Variants in RAB18 observed in about 807,000 individuals in gnomAD.
RAB18 encodes the protein RAB18, member RAS oncogene family.
A neutral mutation model predicts 28.5 loss-of-function variants in RAB18; 10 were observed. That is an observed-to-expected ratio of 0.35 (90% CI 0.22 to 0.60). The LOEUF (loss-of-function observed/expected upper bound fraction) is 0.60. Among genes scored for constraint, RAB18 ranks in the 20% least tolerant of loss-of-function variants. The probability of loss-of-function intolerance (pLI) is 0.78; values close to 1 mark genes in which losing one functional copy is unlikely to be tolerated. For synonymous variants in RAB18, 93 were observed against 86.9 expected, an observed-to-expected ratio of 1.07 and a Z score of -0.39; for missense variants, 188 against 244.2, an observed-to-expected ratio of 0.77 and a Z score of 1.53.
At chr10:27,528,544 GTCC>G (rs1834726076) in intron 3 of RAB18, among the ~76,000 whole-genome samples, 2 of 151,992 alleles carry the variant, frequency 1.3e-5, no homozygotes, top group East Asian at 3.8e-4. Flanking sequence ...AAACCTGTTT[GTCC>G]TCCTTTCCTA....
At chr10:27,533,619 A>AT (rs1339814329) in intron 4 of RAB18, 116 bp from the exon 5 acceptor site, 10 of 1,249,688 alleles carry the variant, frequency 8.0e-6, no homozygotes, top group Admixed American at 4.6e-5. Flanking sequence ...GTTGAAGACA[A>AT]TAAAAAAAAG....
intron 3 of RAB18, among the ~76,000 whole-genome samples, chr10:27,527,271 T>A (rs1013031742): frequency 5.3e-5 from 8 of 151,932 alleles, no homozygotes; most frequent in Non-Finnish European, 1.0e-4. Flanking sequence ...TAGGAAAAAA[T>A]TTTATTTTTC....
intron 6 of RAB18, among the ~76,000 whole-genome samples, chr10:27,534,883 C>T (rs1438317365): frequency 6.6e-6 from 1 of 152,182 alleles, no homozygotes. Context: ...AGAAAGGAAT[C>T]GAGTACTTTT....
chr10:27,518,331 G>A (rs1156767159), intron 2 of RAB18, among the ~76,000 whole-genome samples: 1 of 152,132 alleles, frequency 6.6e-6, no homozygotes, highest in African/African-American at 2.4e-5. Context: ...TTATAAAGTG[G>A]TTGTATCATT....
At chr10:27,509,003 A>G (rs573809945) in intron 1 of RAB18, among the ~76,000 whole-genome samples, 10 of 152,328 alleles carry the variant, frequency 6.6e-5, no homozygotes, top group African/African-American at 2.4e-4. Flanking sequence ...ATTTTTGAAG[A>G]GTTTCTAATA....
At chr10:27,506,650 G>A (rs1223310800) in intron 1 of RAB18, among the ~76,000 whole-genome samples, 2 of 151,938 alleles carry the variant, frequency 1.3e-5, no homozygotes. Context: ...TCATAGATGG[G>A]ATTTTCCTAT....
chr10:27,536,060 CG>C (rs1295222934), intron 6 of RAB18, among the ~76,000 whole-genome samples: 1 of 141,562 alleles, frequency 7.1e-6, no homozygotes, highest in Non-Finnish European at 1.5e-5. Flanking sequence ...CCAGCCTGGG[CG>C]ACAGAGCGAG....
intron 6 of RAB18, among the ~76,000 whole-genome samples, chr10:27,534,886 G>A (rs1038456708): frequency 6.6e-6 from 1 of 152,178 alleles, no homozygotes; most frequent in Non-Finnish European, 1.5e-5. Flanking sequence ...AAGGAATCGA[G>A]TACTTTTACT....
Position 27,541,339 on chromosome 10 carries a change from C to A in RAB18, c.*3288C>A. On this transcript the variant is annotated 3_prime_UTR_variant, in exon 7 of 7. Coordinates refer to ENST00000356940, the MANE Select transcript of RAB18 (RefSeq NM_021252.5). ...AGGGGCTAAGGAATATAGAATCACCCAGGTCTTTTTTTTTTTTTTTAATTT... is the reference window on the plus strand; with the variant it reads ...AGGGGCTAAGGAATATAGAATCACCAAGGTCTTTTTTTTTTTTTTTAATTT... 1 of 403,000 alleles carries A rather than the reference C, an allele frequency of 2.5e-6. No individual in the cohort carries two copies. Among genetic ancestry groups the A allele is most frequent in the South Asian group, 1.7e-5 (1 of 60,436 alleles). The allele number at this position is 403,000 out of a possible 1,614,324, so 25.0% of individuals were successfully genotyped here. A position where few individuals can be genotyped will look rare whatever the true frequency, so the allele number is the denominator to read the frequency against.
chr10:27,540,994 A>G lies in RAB18; in HGVS notation c.*2943A>G, dbSNP rs886046975. The G allele has an allele frequency of 3.5e-5, 16 of 453,120 alleles. No homozygotes were observed. Among genetic ancestry groups the G allele is most frequent in the African/African-American group, 2.0e-4 (10 of 49,884 alleles). 28.1% of individuals were successfully genotyped at this position (453,120 alleles called of 1,614,324 possible). A position where few individuals can be genotyped will look rare whatever the true frequency, so the allele number is the denominator to read the frequency against. On this transcript the variant is annotated 3_prime_UTR_variant, in exon 7 of 7. Transcript: ENST00000356940. ...AGTGTCTTTAAGTACAACTTAATACATATTTTTTCTGTGTATTTTTTTCAA... is the reference window on the plus strand; with the variant it reads ...AGTGTCTTTAAGTACAACTTAATACGTATTTTTTCTGTGTATTTTTTTCAA...
chr10:27,518,541 C>G (rs1834484001), intron 2 of RAB18, among the ~76,000 whole-genome samples: 1 of 152,090 alleles, frequency 6.6e-6, no homozygotes, highest in Non-Finnish European at 1.5e-5. Flanking sequence ...TCTATATGCA[C>G]ATTTATATAG....
chr10:27,529,670 GATAGAGACAA>G (rs1834749163), intron 3 of RAB18, among the ~76,000 whole-genome samples: 1 of 151,806 alleles, frequency 6.6e-6, no homozygotes, highest in Non-Finnish European at 1.5e-5. Flanking sequence ...AAAACTACAG[GATAGAGACAA>G]AAAGCTGTGC....
intron 6 of RAB18, 149 bp from the exon 7 acceptor site, chr10:27,537,727 C>G (rs1834929127): frequency 1.6e-6 from 1 of 627,090 alleles, no homozygotes; most frequent in South Asian, 2.1e-5. Context: ...TTTGGAAATT[C>G]ACTAGTTATT....
rs531475676 is a variant in RAB18 at position 27,541,931 on chromosome 10, C to T, written c.*3880C>T. ...GTTACCTTTTAGCAGTGCCCCACTT[C>T]CCCAGTAGCAATGGTTCAGGGGTAG... On this transcript the variant is annotated 3_prime_UTR_variant, in exon 7 of 7. Transcript: ENST00000356940. 4.4e-6 allele frequency: 2 copies of T among 453,592 alleles called. No homozygotes were observed. Among genetic ancestry groups the T allele is most frequent in the African/African-American group, 2.0e-5 (1 of 49,896 alleles). 28.1% of individuals were successfully genotyped at this position (453,592 alleles called of 1,614,324 possible).
chr10:27,525,373 G>C (rs1233406639), intron 2 of RAB18, among the ~76,000 whole-genome samples: 2 of 150,764 alleles, frequency 1.3e-5, no homozygotes, highest in African/African-American at 4.9e-5. Context: ...TTTAGTACCT[G>C]CACCAAGTCA....
chr10:27,517,117 C>T (rs1436137660), intron 2 of RAB18, among the ~76,000 whole-genome samples: 1 of 152,148 alleles, frequency 6.6e-6, no homozygotes, highest in Non-Finnish European at 1.5e-5. Context: ...AATCCCAGCA[C>T]TTTGGGATGC....
At chr10:27,521,758 G>A (rs1318307086) in intron 2 of RAB18, among the ~76,000 whole-genome samples, 2 of 152,056 alleles carry the variant, frequency 1.3e-5, no homozygotes, top group Non-Finnish European at 1.5e-5. Context: ...CACACTGCCC[G>A]GTTGATGGGT....
At position 27,538,346 on chromosome 10, in the gene RAB18, T is replaced by C; in HGVS notation, c.*295T>C. On this transcript the variant is annotated 3_prime_UTR_variant, in exon 7 of 7. Coordinates refer to ENST00000356940, the MANE Select transcript of RAB18 (RefSeq NM_021252.5). ...TAATTTTTAAAAAAATCCATCTATC[T>C]AGGATATGTTGATACAAAGTCTGCT... The C allele has an allele frequency of 2.0e-6, 1 of 511,076 alleles. No individual in the cohort carries two copies. 31.7% of individuals were successfully genotyped at this position (511,076 alleles called of 1,614,324 possible).
chr10:27,540,873 C>A lies in RAB18; in HGVS notation c.*2822C>A, dbSNP rs1045916473. 1 of 454,062 alleles carries A rather than the reference C, an allele frequency of 2.2e-6. No individual in the cohort carries two copies. The highest frequency in any genetic ancestry group is 2.0e-5 in the African/African-American group (1 of 50,106). 28.1% of individuals were successfully genotyped at this position (454,062 alleles called of 1,614,324 possible). ...CATGGTCAAGAGACATGATTCTCTACTAAGGGTGGGGCTAGCACCATAGCT... is the reference window on the plus strand; with the variant it reads ...CATGGTCAAGAGACATGATTCTCTAATAAGGGTGGGGCTAGCACCATAGCT... On this transcript the variant is annotated 3_prime_UTR_variant, in exon 7 of 7. Coordinates refer to ENST00000356940, the MANE Select transcript of RAB18 (RefSeq NM_021252.5).
Sources: gnomAD v4.1 joint callset for allele counts (sites outside exome capture counted in the v4.1 genomes callset) on GRCh38, gnomAD v4.1.1 for gene constraint, MANE v1.5 for transcripts, NCBI Gene and HGNC (gene_info 2026-07-23, HGNC 2026-07-21) for gene names.